ERC2: variants seen among roughly 807,000 people sequenced by gnomAD.
ERC2 encodes the protein ERC protein 2.
Under a neutral mutation model 114.8 loss-of-function variants are expected in ERC2, and 42 were observed. The ratio of observed to expected loss-of-function variants is 0.37; its 90% confidence interval spans 0.29 to 0.47. The LOEUF is 0.47. Among genes scored for constraint, ERC2 ranks in the 20% least tolerant of loss-of-function variants. The pLI is 0.99. For synonymous variants in ERC2, 454 were observed against 425.5 expected, an observed-to-expected ratio of 1.07 and a Z score of -0.82; for missense variants, 939 against 1,150.7, an observed-to-expected ratio of 0.82 and a Z score of 2.66.
At chr3:56,235,534 A>C (rs2050885557) in intron 3 of ERC2, among the ~76,000 whole-genome samples, 1 of 152,176 alleles carries the variant, frequency 6.6e-6, no homozygotes. Context: ...ATTGGAACTG[A>C]GTAGCAGCTG....
rs543910659 is a variant in ERC2, at chr3:55,750,526, G to A, written c.2565-15608C>T. Among the ~76,000 whole-genome samples, 4 of 152,236 alleles carry A rather than the reference G, an allele frequency of 2.6e-5. 1 individual carries two copies. The highest frequency in any genetic ancestry group is 6.8e-3 in the Middle Eastern group (2 of 294). ...GAAGGAAGAAATGTCCCTTTGGTCCGGGATGATGGGGGCAGGCTTCACAGA... is the reference window on the plus strand; with the variant it reads ...GAAGGAAGAAATGTCCCTTTGGTCCAGGATGATGGGGGCAGGCTTCACAGA... On this transcript the variant is annotated intron_variant, in intron 14 of 17. Coordinates refer to ENST00000288221, the MANE Select transcript of ERC2 (RefSeq NM_015576.3).
rs564347674 is a variant in ERC2, at chr3:56,159,228, C to G, written c.1150-10096G>C. ...GCCAGCATCATGCTTCCTCTACAGC[C>G]TGCAAAACTGTGAGCCAATTAAACC... On this transcript the variant is annotated intron_variant, in intron 4 of 17. Transcript: ENST00000288221. Among the ~76,000 whole-genome samples the G allele has an allele frequency of 1.1e-4, 16 of 152,206 alleles. No individual in the cohort carries two copies. The East Asian group carries it at 3.1e-3, about 29-fold the overall frequency.
At chr3:56,227,337 G>A (rs1452210) in intron 3 of ERC2, among the ~76,000 whole-genome samples, 89,622 of 151,498 alleles carry the variant, frequency 0.59, 27,112 homozygotes, top group East Asian at 0.85. Context: ...GGGGAGTAAG[G>A]TATAGGAGCA....
chr3:55,733,540 T>TCACA lies in ERC2; in HGVS notation c.2712+1230_2712+1231insTGTG, dbSNP rs753638072. On this transcript the variant is annotated intron_variant, in intron 15 of 17. Transcript: ENST00000288221. Reference sequence around the variant, plus strand: ...CTCTGTCTCTCATTCTTTCTCTCTCTCTCACACACACACACACACACACAC... The same window carrying TCACA: ...CTCTGTCTCTCATTCTTTCTCTCTCTCACACTCACACACACACACACACACACAC... Among the ~76,000 whole-genome samples, 53 of 95,872 alleles carry TCACA rather than the reference T, an allele frequency of 5.5e-4. 1 individual carries two copies. The highest frequency in any genetic ancestry group is 1.9e-3 in the African/African-American group (45 of 23,700). 62.9% of individuals were successfully genotyped at this position (95,872 alleles called of 152,430 possible).
At chr3:55,885,290 C>T (rs1004501461) in intron 14 of ERC2, among the ~76,000 whole-genome samples, 3 of 152,232 alleles carry the variant, frequency 2.0e-5, no homozygotes, top group East Asian at 3.9e-4. Context: ...ACCAGTGTGT[C>T]AATTCAGCTT....
chr3:56,420,453 C>T (rs1213770862), intron 2 of ERC2, among the ~76,000 whole-genome samples: 1 of 151,992 alleles, frequency 6.6e-6, no homozygotes, highest in Non-Finnish European at 1.5e-5. Flanking sequence ...GCTAGGATTA[C>T]AGGCATAAGC....
chr3:55,527,652 A>G (rs1021487140), intron 17 of ERC2, among the ~76,000 whole-genome samples: 7 of 152,138 alleles, frequency 4.6e-5, no homozygotes, highest in African/African-American at 1.7e-4. Context: ...CAAAACCCCA[A>G]CCCAGAAGTC....
chr3:56,149,701 G>T (rs1329056027), intron 4 of ERC2, among the ~76,000 whole-genome samples: 1 of 152,096 alleles, frequency 6.6e-6, no homozygotes, highest in African/African-American at 2.4e-5. Context: ...ACTAAATATT[G>T]AAAATTTATA....
At chr3:56,293,124 AAATG>A (rs1287404592) in intron 3 of ERC2, among the ~76,000 whole-genome samples, 1 of 152,262 alleles carries the variant, frequency 6.6e-6, no homozygotes, top group Non-Finnish European at 1.5e-5. Flanking sequence ...ATGAATGAAT[AAATG>A]AATGAATGAA....
At chr3:55,691,390 C>T (rs140083512) in intron 16 of ERC2, among the ~76,000 whole-genome samples, 2,159 of 151,506 alleles carry the variant, frequency 0.014, 41 homozygotes, top group Non-Finnish European at 0.019. Flanking sequence ...GGAGTGGCAA[C>T]GGTCAAAACT....
chr3:56,230,162 G>T (rs988522017), intron 3 of ERC2, among the ~76,000 whole-genome samples: 1 of 151,902 alleles, frequency 6.6e-6, no homozygotes, highest in Admixed American at 6.6e-5. Context: ...AACCATGCCT[G>T]GCCAAATATC....
intron 14 of ERC2, among the ~76,000 whole-genome samples, chr3:55,758,331 C>T (rs2067191885): frequency 6.6e-6 from 1 of 152,196 alleles, no homozygotes; most frequent in Non-Finnish European, 1.5e-5. Flanking sequence ...ACTTGGGTTC[C>T]CCAACTCCAA....
At chr3:56,049,240 G>A (rs2075639792) in intron 7 of ERC2, among the ~76,000 whole-genome samples, 1 of 152,182 alleles carries the variant, frequency 6.6e-6, no homozygotes. Flanking sequence ...GCATGCTAAG[G>A]ACACAGTGAA....
Position 56,392,945 on chromosome 3 carries a change from C to A in ERC2, c.657+41406G>T, listed in dbSNP as rs371684616. Among the ~76,000 whole-genome samples, 11 of 152,320 alleles carry A rather than the reference C, an allele frequency of 7.2e-5. No homozygotes were observed. The East Asian group carries it at 1.7e-3, about 24-fold the overall frequency. ...TCCATGATCTCACCTGAAACTGCCT[C>A]CCTTCAGCTCCTTCTTGCCCACAAG... On this transcript the variant is annotated intron_variant, in intron 2 of 17. Coordinates refer to ENST00000288221, the MANE Select transcript of ERC2 (RefSeq NM_015576.3).
At chr3:56,383,329 A>T (rs1374791885) in intron 2 of ERC2, among the ~76,000 whole-genome samples, 1 of 152,136 alleles carries the variant, frequency 6.6e-6, no homozygotes, top group Non-Finnish European at 1.5e-5. Context: ...ATGGACAACA[A>T]ATCCTTCCAT....
chr3:55,913,956 G>C (rs1010303743), intron 13 of ERC2, among the ~76,000 whole-genome samples: 1 of 152,026 alleles, frequency 6.6e-6, no homozygotes, highest in Non-Finnish European at 1.5e-5. Context: ...AGATTGAAGC[G>C]GGACTTTCCA....
intron 17 of ERC2, among the ~76,000 whole-genome samples, chr3:55,538,027 C>G (rs573834379): frequency 6.6e-6 from 1 of 152,254 alleles, no homozygotes; most frequent in African/African-American, 2.4e-5. Context: ...ATGTCAAATC[C>G]TTTGAGGTCA....
At chr3:55,994,647 T>TTAAA (rs36006624) in intron 10 of ERC2, among the ~76,000 whole-genome samples, 14 of 61,398 alleles carry the variant, frequency 2.3e-4, no homozygotes, top group Non-Finnish European at 3.8e-4. Flanking sequence ...ACATACTCCC[T>TTAAA]AAAAAAAAAA....
chr3:56,266,420 G>A (rs558463670), intron 3 of ERC2, among the ~76,000 whole-genome samples: 9 of 152,058 alleles, frequency 5.9e-5, no homozygotes, highest in African/African-American at 7.2e-5. Context: ...GTGAGCCACC[G>A]CACCCAGCAA....
Sources: gnomAD v4.1 joint callset for allele counts (sites outside exome capture counted in the v4.1 genomes callset) on GRCh38, gnomAD v4.1.1 for gene constraint, MANE v1.5 for transcripts, NCBI Gene and HGNC (gene_info 2026-07-23, HGNC 2026-07-21) for gene names.